Variants in BZW2 observed in about 807,000 individuals in gnomAD.
BZW2 encodes eIF5-mimic protein 1.
In BZW2, 23 loss-of-function variants were observed where a neutral mutation model predicts 53.2. That is an observed-to-expected ratio of 0.43 (90% confidence interval 0.31 to 0.61). The LOEUF is 0.61. Ranked by LOEUF, BZW2 falls within the 20% of genes least tolerant of loss-of-function variation. The probability of loss-of-function intolerance (pLI) is 0.09; values close to 1 mark genes in which losing one functional copy is unlikely to be tolerated. For missense variants in BZW2, 409 were observed against 503.1 expected, an observed-to-expected ratio of 0.81 and a Z score of 1.79; for synonymous variants, 227 against 186.4, an observed-to-expected ratio of 1.22 and a Z score of -1.77.
chr7:16,685,548 A>G (rs141856008), intron 5 of BZW2, among the ~76,000 whole-genome samples: 41 of 152,292 alleles, frequency 2.7e-4, no homozygotes, highest in African/African-American at 9.6e-4. Context: ...GAAAAACAAT[A>G]CATTTCAGAA....
chr7:16,696,988 C>T lies in BZW2; in HGVS notation c.896C>T (p.Thr299Ile). The part of the protein sequence containing the change: ...PETAVIGLLW[T>I]CIMNAVEWNK... Reference sequence around the variant, plus strand: ...ACAGCAGTGATTGGTCTTCTGTGGACATGTATAATGAACGCTGTTGAGTGG... The same window carrying T: ...ACAGCAGTGATTGGTCTTCTGTGGATATGTATAATGAACGCTGTTGAGTGG... Residue 299 changes from threonine to isoleucine, a missense_variant, in exon 9 of 12, where the codon ACA becomes ATA. By Grantham distance (89) the Thr-to-Ile change is moderately conservative. Around this residue, in one of 3 missense-constraint regions of BZW2, gnomAD observed 316 missense variants for 366.8 expected, o/e 0.86. Coordinates refer to ENST00000258761, the MANE Select transcript of BZW2 (RefSeq NM_014038.3). 6.2e-7 allele frequency: 1 copy of T among 1,614,094 alleles called. No individual in the cohort carries two copies. The highest frequency in any genetic ancestry group is 8.5e-7 in the Non-Finnish European group (1 of 1,179,978).
At chr7:16,650,848 G>T (rs1365151614) in intron 1 of BZW2, among the ~76,000 whole-genome samples, 4 of 152,174 alleles carry the variant, frequency 2.6e-5, no homozygotes, top group Admixed American at 2.6e-4. Context: ...TGTATTAAGT[G>T]AAGAGTGCCA....
chr7:16,673,357 C>T (rs925857455), intron 2 of BZW2, among the ~76,000 whole-genome samples: 5 of 152,148 alleles, frequency 3.3e-5, no homozygotes, highest in Admixed American at 6.5e-5. Context: ...AAGATATTCA[C>T]GTCTTTCACA....
In BZW2 at chr7:16,658,473, T is replaced by G. The variant is rs922755646; in HGVS notation, c.-7-6964T>G. ...AGGTGTAAAGTAGTTTTGGAAGTAT[T>G]ATAATAAAATGAAAACTTTCTCATG... On this transcript the variant is annotated intron_variant, in intron 1 of 11. Coordinates refer to ENST00000258761, the MANE Select transcript of BZW2 (RefSeq NM_014038.3). 5.3e-5 allele frequency among the ~76,000 whole-genome samples: 8 copies of G among 152,198 alleles called. No individual in the cohort carries two copies. In the East Asian group the frequency reaches 1.3e-3, roughly 26 times the overall value.
At chr7:16,677,363 A>G (rs969716661) in intron 3 of BZW2, among the ~76,000 whole-genome samples, 3 of 152,052 alleles carry the variant, frequency 2.0e-5, no homozygotes, top group African/African-American at 7.2e-5. Context: ...ATTCTTAGTC[A>G]CCCTAGGAAA....
At chr7:16,653,466 C>A (rs1435223533) in intron 1 of BZW2, among the ~76,000 whole-genome samples, 1 of 152,150 alleles carries the variant, frequency 6.6e-6, no homozygotes, top group East Asian at 1.9e-4. Flanking sequence ...TCTGGCATTG[C>A]CACTCCACTT....
At chr7:16,656,833 T>G (rs1036715032) in intron 1 of BZW2, among the ~76,000 whole-genome samples, 2 of 152,228 alleles carry the variant, frequency 1.3e-5, no homozygotes, top group Non-Finnish European at 2.9e-5. Context: ...GAATGGGTTA[T>G]TAGCTATTAT....
At chr7:16,686,251 C>A (rs1359042081) in intron 6 of BZW2, 2 of 650,796 alleles carry the variant, frequency 3.1e-6, no homozygotes, top group African/African-American at 1.8e-5. Flanking sequence ...AATATGCACA[C>A]CTGTACAAAG....
At chr7:16,669,438 G>T (rs929615545) in intron 2 of BZW2, among the ~76,000 whole-genome samples, 1 of 152,054 alleles carries the variant, frequency 6.6e-6, no homozygotes, top group Non-Finnish European at 1.5e-5. Flanking sequence ...ATGTAATATT[G>T]GTTTTAAATC....
intron 2 of BZW2, among the ~76,000 whole-genome samples, chr7:16,665,845 T>C (rs903280627): frequency 6.6e-6 from 1 of 152,204 alleles, no homozygotes; most frequent in African/African-American, 2.4e-5. Context: ...AAAACGTTGA[T>C]GGCAAAGATG....
At chr7:16,677,191 G>C (rs1007535505) in intron 3 of BZW2, among the ~76,000 whole-genome samples, 3 of 151,854 alleles carry the variant, frequency 2.0e-5, no homozygotes, top group African/African-American at 4.8e-5. Flanking sequence ...CCTTCCCACT[G>C]TGCTCTCAGG....
At chr7:16,688,281 T>C (rs895460292) in intron 6 of BZW2, among the ~76,000 whole-genome samples, 2 of 152,222 alleles carry the variant, frequency 1.3e-5, no homozygotes, top group African/African-American at 4.8e-5. Flanking sequence ...TAGCATTAAC[T>C]TCATCCCAAG....
At chr7:16,659,088 T>A (rs1477797053) in intron 1 of BZW2, among the ~76,000 whole-genome samples, 1 of 151,534 alleles carries the variant, frequency 6.6e-6, no homozygotes, top group Non-Finnish European at 1.5e-5. Context: ...ATGGCGAAAC[T>A]CTTAAAAACT....
chr7:16,696,544 G>GGA lies in BZW2; in HGVS notation c.823-370_823-369dup, dbSNP rs1554268967. 3.9e-5 allele frequency among the ~76,000 whole-genome samples: 6 copies of GGA among 151,988 alleles called. No homozygotes were observed. In the East Asian group the frequency reaches 1.2e-3, roughly 29 times the overall value. On this transcript the variant is annotated intron_variant, in intron 8 of 11. Coordinates refer to ENST00000258761, the MANE Select transcript of BZW2 (RefSeq NM_014038.3). The stretch of plus-strand genomic sequence containing the variant: ...CAAGAGGTTTTAAAGTTTAGGGATG[G>GGA]GATAAAAGTTCACAACGCTGTTGCC...
intron 3 of BZW2, among the ~76,000 whole-genome samples, chr7:16,677,119 G>T (rs1782790467): frequency 6.6e-6 from 1 of 151,442 alleles, no homozygotes; most frequent in Non-Finnish European, 1.5e-5. Context: ...TACAAAGGGA[G>T]GGGACCCAAA....
chr7:16,671,808 G>A (rs1782608197), intron 2 of BZW2, among the ~76,000 whole-genome samples: 1 of 151,794 alleles, frequency 6.6e-6, no homozygotes, highest in African/African-American at 2.4e-5. Flanking sequence ...GCATGTACCT[G>A]TAGTCCCAGC....
At chr7:16,658,125 A>G (rs1442399736) in intron 1 of BZW2, among the ~76,000 whole-genome samples, 1 of 152,170 alleles carries the variant, frequency 6.6e-6, no homozygotes, top group East Asian at 1.9e-4. Flanking sequence ...GGCCTGGGAG[A>G]TAACCCATCT....
intron 1 of BZW2, among the ~76,000 whole-genome samples, chr7:16,659,107 A>AG (rs1305564455): frequency 6.6e-6 from 1 of 151,988 alleles, no homozygotes; most frequent in Non-Finnish European, 1.5e-5. Flanking sequence ...CTAAAAAAAA[A>AG]CAATAAAAAA....
chr7:16,670,215 T>A (rs1420921135), intron 2 of BZW2, among the ~76,000 whole-genome samples: 1 of 152,254 alleles, frequency 6.6e-6, no homozygotes, highest in Non-Finnish European at 1.5e-5. Context: ...TTGCTCACTG[T>A]TGAAATATCC....
Sources: gnomAD v4.1 joint callset for allele counts (sites outside exome capture counted in the v4.1 genomes callset) on GRCh38, gnomAD v4.1.1 for gene constraint, gnomAD v4.1.1 regional missense constraint, MANE v1.5 for transcripts, NCBI Gene and HGNC (gene_info 2026-07-23, HGNC 2026-07-21) for gene names.